The following PDE1A variants were observed in gnomAD, a reference collection of about 807,000 sequenced individuals.
The protein encoded by PDE1A is dual specificity calcium/calmodulin-dependent 3',5'-cyclic nucleotide phosphodiesterase 1A.
Under a neutral mutation model 61.7 loss-of-function variants are expected in PDE1A, and 35 were observed. The ratio of observed to expected loss-of-function variants is 0.57; its 90% CI spans 0.43 to 0.75. The LOEUF (loss-of-function observed/expected upper bound fraction) is 0.75, where lower values mean the gene tolerates loss of function less well. PDE1A is among the 30% of genes least tolerant of loss of function. The probability of loss-of-function intolerance (pLI) is 0.00; values close to 1 mark genes in which losing one functional copy is unlikely to be tolerated. For synonymous variants in PDE1A, 232 were observed against 213.2 expected (o/e 1.09, Z -0.77); for missense variants, 597 against 630.6 (o/e 0.95, Z 0.57).
the PDE1A span, among the ~76,000 whole-genome samples, chr2:182,707,610 A>G: frequency 6.6e-6 from 1 of 152,242 alleles, no homozygotes; most frequent in Admixed American, 6.5e-5. Context: ...ATGGTCCTAT[A>G]TCTAGCAAAG....
intron 2 of PDE1A, among the ~76,000 whole-genome samples, chr2:182,259,711 T>C (rs1212870126): frequency 6.6e-6 from 1 of 152,236 alleles, no homozygotes; most frequent in African/African-American, 2.4e-5. Context: ...GATTGGTTCA[T>C]GTTAAACAAA....
At chr2:182,554,387 A>G in the PDE1A span, among the ~76,000 whole-genome samples, 1 of 152,226 alleles carries the variant, frequency 6.6e-6, no homozygotes, top group African/African-American at 2.4e-5. Context: ...ACAGATTCTC[A>G]GGGCTTGAAA....
intron 2 of PDE1A, among the ~76,000 whole-genome samples, chr2:182,250,953 G>A (rs914620403): frequency 1.3e-5 from 2 of 152,190 alleles, no homozygotes; most frequent in Admixed American, 1.3e-4. Context: ...ATTGCTTGGA[G>A]AGCTGGGATC....
chr2:182,185,353 T>C (rs1181764394), intron 13 of PDE1A, among the ~76,000 whole-genome samples: 1 of 152,196 alleles, frequency 6.6e-6, no homozygotes, highest in East Asian at 1.9e-4. Context: ...ACTAATTAAT[T>C]TGAAGCAGCT....
intron 10 of PDE1A, among the ~76,000 whole-genome samples, chr2:182,193,128 C>A (rs1353856115): frequency 2.6e-5 from 4 of 152,010 alleles, no homozygotes; most frequent in Non-Finnish European, 1.5e-5. Flanking sequence ...GATGGGACTA[C>A]AGGCACCTGC....
In PDE1A at chr2:182,360,702, C is replaced by T. The variant is rs531110344; in HGVS notation, c.53+65876G>A. ...AGTAATGTATATATTCAAATCAATC[C>T]CACCTGCATTTTTAGAAGTTTTTTT... On this transcript the variant is annotated intron_variant, in intron 1 of 13. Coordinates refer to ENST00000351439, the Ensembl canonical transcript of PDE1A. Among the ~76,000 whole-genome samples the T allele has an allele frequency of 1.4e-4, 22 of 151,820 alleles. No homozygotes were observed. The South Asian group carries it at 3.3e-3, about 23-fold the overall frequency.
At chr2:182,440,796 T>TC in intron 2 of PDE1A, among the ~76,000 whole-genome samples, 1 of 151,884 alleles carries the variant, frequency 6.6e-6, no homozygotes, top group South Asian at 2.1e-4. Flanking sequence ...TGGGTTTTTT[T>TC]TTGCTTTATT....
chr2:182,627,161 A>G, the PDE1A span, among the ~76,000 whole-genome samples: 3 of 34,326 alleles, frequency 8.7e-5, no homozygotes, highest in South Asian at 2.8e-3. Flanking sequence ...TATATATAAA[A>G]TATAAATAAT....
intron 1 of PDE1A, among the ~76,000 whole-genome samples, chr2:182,406,607 T>C (rs1401992459): frequency 2.0e-5 from 3 of 152,118 alleles, no homozygotes; most frequent in Non-Finnish European, 4.4e-5. Flanking sequence ...GTTAGCATGT[T>C]GGATATTGGA....
At chr2:182,375,638 G>A (rs933274193) in intron 1 of PDE1A, among the ~76,000 whole-genome samples, 6 of 152,320 alleles carry the variant, frequency 3.9e-5, no homozygotes, top group Admixed American at 2.0e-4. Flanking sequence ...GCATTCTGGG[G>A]TCTGGAAGAT....
At chr2:182,272,330 G>A (rs553323369) in intron 1 of PDE1A, among the ~76,000 whole-genome samples, 6 of 152,102 alleles carry the variant, frequency 3.9e-5, no homozygotes, top group African/African-American at 7.2e-5. Context: ...CTCTGCTGTC[G>A]CTATCTTGAA....
chr2:182,588,502 T>C, the PDE1A span, among the ~76,000 whole-genome samples: 2 of 152,178 alleles, frequency 1.3e-5, no homozygotes, highest in Non-Finnish European at 2.9e-5. Context: ...CTGTCTAAAT[T>C]TTCTCAGCAA....
chr2:182,230,448 T>C (rs1259060386), intron 5 of PDE1A, among the ~76,000 whole-genome samples: 5 of 152,202 alleles, frequency 3.3e-5, no homozygotes, highest in African/African-American at 9.6e-5. Flanking sequence ...AGGGTAAATA[T>C]TTCCAGTTAC....
At chr2:182,259,354 A>G (rs1014510525) in intron 2 of PDE1A, among the ~76,000 whole-genome samples, 1 of 152,204 alleles carries the variant, frequency 6.6e-6, no homozygotes, top group East Asian at 1.9e-4. Flanking sequence ...AACTGCTCTC[A>G]GGGAAGCATT....
chr2:182,714,580 C>T, the PDE1A span, among the ~76,000 whole-genome samples: 9 of 151,110 alleles, frequency 6.0e-5, no homozygotes, highest in Non-Finnish European at 1.2e-4. Flanking sequence ...TTTTTTTTTC[C>T]CCCAAGACAG....
At chr2:182,215,569 A>T (rs1559200784) in intron 7 of PDE1A, among the ~76,000 whole-genome samples, 1 of 149,114 alleles carries the variant, frequency 6.7e-6, no homozygotes, top group African/African-American at 2.5e-5. Flanking sequence ...CGCAATAAAA[A>T]ATGATAAAGG....
intron 13 of PDE1A, among the ~76,000 whole-genome samples, chr2:182,158,553 C>A (rs1574516389): frequency 6.6e-6 from 1 of 152,178 alleles, no homozygotes; most frequent in African/African-American, 2.4e-5. Flanking sequence ...CAGGAGCCTT[C>A]TGAATGAATC....
At chr2:182,648,234 G>A in the PDE1A span, among the ~76,000 whole-genome samples, 1 of 152,012 alleles carries the variant, frequency 6.6e-6, no homozygotes, top group Admixed American at 6.6e-5. Flanking sequence ...GGGCTTGTTG[G>A]GACATTCTGA....
the PDE1A span, among the ~76,000 whole-genome samples, chr2:182,536,333 G>T: frequency 6.6e-6 from 1 of 152,060 alleles, no homozygotes; most frequent in South Asian, 2.1e-4. Flanking sequence ...TGTGTTTCTG[G>T]AACAGTTTAT....
Sources: gnomAD v4.1 joint callset for allele counts (sites outside exome capture counted in the v4.1 genomes callset) on GRCh38, gnomAD v4.1.1 for gene constraint, MANE v1.5 for transcripts, NCBI Gene and HGNC (gene_info 2026-07-23, HGNC 2026-07-21) for gene names.